EXT2: variants seen among roughly 807,000 people sequenced by gnomAD.
EXT2 encodes exostosin glycosyltransferase 2, also known as exostosin-2.
EXT2 carries 53 observed loss-of-function variants against 81.6 expected under a neutral mutation model. The ratio of observed to expected loss-of-function variants is 0.65; its 90% CI spans 0.52 to 0.82. The LOEUF is 0.82. Ranked by LOEUF, EXT2 falls within the 40% of genes least tolerant of loss-of-function variation. EXT2 has a pLI of 0.00. For synonymous variants in EXT2, 320 were observed against 340.0 expected, an observed-to-expected ratio of 0.94 and a Z score of 0.65; for missense variants, 774 against 910.2, an observed-to-expected ratio of 0.85 and a Z score of 1.93.
chr11:44,105,314 A>T (rs1954038850), intron 1 of EXT2, among the ~76,000 whole-genome samples: 1 of 152,144 alleles, frequency 6.6e-6, no homozygotes, highest in South Asian at 2.1e-4. Context: ...ATTTTTTGAG[A>T]AAGAGTCGTG....
chr11:44,152,282 G>T (rs868302240), intron 7 of EXT2, among the ~76,000 whole-genome samples: 18 of 152,264 alleles, frequency 1.2e-4, no homozygotes, highest in African/African-American at 4.3e-4. Context: ...TACCTAAAAA[G>T]TCATTGCCAT....
rs1303517001 is a variant in EXT2 at position 44,236,391 on chromosome 11, A to G, written c.2018+16A>G. 5 of 1,612,566 alleles carry G rather than the reference A, an allele frequency of 3.1e-6. No individual in the cohort carries two copies. The highest frequency in any genetic ancestry group is 3.3e-5 in the Admixed American group (2 of 60,020). On this transcript the variant is annotated intron_variant, in intron 13 of 13. Coordinates refer to ENST00000533608, the MANE Select transcript of EXT2 (RefSeq NM_207122.2). ...TGGTGGAGAGGTAAGTGAGCCTCCA[A>G]CCAAAAGTGCGCCTTAGCCTCTGAT...
In EXT2 at chr11:44,249,190, G is replaced by T. The variant is rs150513630; in HGVS notation, c.*4903G>T. Among the ~76,000 whole-genome samples, 34 of 152,156 alleles carry T rather than the reference G, an allele frequency of 2.2e-4. No individual in the cohort carries two copies. Among genetic ancestry groups the T allele is most frequent in the Non-Finnish European group, 2.1e-4 (14 of 68,002 alleles). On this transcript the variant is annotated 3_prime_UTR_variant, in exon 14 of 14. Transcript: ENST00000533608. ...CTTTTAATTTTTTTGGAGAGACAGG[G>T]CCTCACTATGTTGCCTAGGCTGGTC...
At chr11:44,178,933 C>T (rs79313886) in intron 8 of EXT2, among the ~76,000 whole-genome samples, 38 of 152,164 alleles carry the variant, frequency 2.5e-4, no homozygotes, top group African/African-American at 8.9e-4. Context: ...AGTATGCTAC[C>T]CTAAATTCCA....
chr11:44,212,298 TATAAATAA>T (rs55649714), intron 10 of EXT2, among the ~76,000 whole-genome samples: 6,251 of 80,494 alleles, frequency 0.078, 241 homozygotes, highest in Middle Eastern at 0.13. Flanking sequence ...AAAATAAAAA[TATAAATAA>T]ATAAATAAAT....
chr11:44,240,170 C>T (rs1215957917), intron 13 of EXT2, among the ~76,000 whole-genome samples: 1 of 152,124 alleles, frequency 6.6e-6, no homozygotes, highest in African/African-American at 2.4e-5. Context: ...GGATGGCTAA[C>T]TGTATTTGGC....
At chr11:44,153,175 A>C (rs186389492) in intron 7 of EXT2, among the ~76,000 whole-genome samples, 3 of 152,330 alleles carry the variant, frequency 2.0e-5, no homozygotes, top group Non-Finnish European at 4.4e-5. Flanking sequence ...CCATTTATTT[A>C]AGTTATTTGA....
rs527964101 is a variant in EXT2, at chr11:44,233,748, C to A, written c.1807-367C>A. ...ATGGGTTTTTTTATTTTGTAATAAG[C>A]AAACAAAAAAACCCAAAAACTAAGG... On this transcript the variant is annotated intron_variant, in intron 11 of 13. Transcript: ENST00000533608. Among the ~76,000 whole-genome samples, 5 of 152,090 alleles carry A rather than the reference C, an allele frequency of 3.3e-5. No individual in the cohort carries two copies. The East Asian group carries it at 9.7e-4, about 29-fold the overall frequency.
intron 11 of EXT2, 55 bp from the exon 12 acceptor site, chr11:44,234,060 C>G (rs1955929426): frequency 6.2e-7 from 1 of 1,612,182 alleles, no homozygotes; most frequent in African/African-American, 1.3e-5. Context: ...CCTTATTTAT[C>G]AGCTAAAGGG....
intron 7 of EXT2, among the ~76,000 whole-genome samples, chr11:44,136,442 C>T (rs1954568580): frequency 6.6e-6 from 1 of 152,218 alleles, no homozygotes; most frequent in South Asian, 2.1e-4. Context: ...AACCACAGAG[C>T]TGTGTGGCCT....
chr11:44,135,208 C>T (rs1355551327), intron 7 of EXT2, among the ~76,000 whole-genome samples: 1 of 152,092 alleles, frequency 6.6e-6, no homozygotes, highest in Non-Finnish European at 1.5e-5. Flanking sequence ...ATAGGAGAGC[C>T]CCTATCAGGG....
chr11:44,216,818 TA>T, intron 10 of EXT2, among the ~76,000 whole-genome samples: 1 of 151,536 alleles, frequency 6.6e-6, no homozygotes, highest in South Asian at 2.1e-4. Flanking sequence ...AGATGTAAGA[TA>T]AATGATGAGG....
At chr11:44,190,160 A>T (rs1406877772) in intron 8 of EXT2, among the ~76,000 whole-genome samples, 1 of 152,234 alleles carries the variant, frequency 6.6e-6, no homozygotes, top group Non-Finnish European at 1.5e-5. Context: ...AACCTAAAGG[A>T]GAAATGAAAG....
chr11:44,142,807 C>T (rs1196716716), intron 7 of EXT2, among the ~76,000 whole-genome samples: 1 of 152,104 alleles, frequency 6.6e-6, no homozygotes, highest in Non-Finnish European at 1.5e-5. Context: ...TGAAGCAGTG[C>T]ATAGGGAATA....
chr11:44,173,484 A>G (rs1245433258), intron 8 of EXT2, among the ~76,000 whole-genome samples: 5 of 149,654 alleles, frequency 3.3e-5, no homozygotes, highest in Admixed American at 3.3e-4. Flanking sequence ...TTAGTATTCA[A>G]TTGTTTGGGT....
chr11:44,136,348 C>T (rs372709372), intron 7 of EXT2, among the ~76,000 whole-genome samples: 1 of 152,102 alleles, frequency 6.6e-6, no homozygotes, highest in Non-Finnish European at 1.5e-5. Flanking sequence ...GATAAAGAGA[C>T]GTAAAGTAAT....
At chr11:44,140,393 T>C (rs1407620304) in intron 7 of EXT2, among the ~76,000 whole-genome samples, 1 of 152,198 alleles carries the variant, frequency 6.6e-6, no homozygotes, top group Non-Finnish European at 1.5e-5. Context: ...CACCAGGCCC[T>C]CCATAAATGT....
At chr11:44,211,832 A>G (rs1282127483) in intron 10 of EXT2, among the ~76,000 whole-genome samples, 1 of 152,218 alleles carries the variant, frequency 6.6e-6, no homozygotes, top group Non-Finnish European at 1.5e-5. Context: ...TTGCTCTTCT[A>G]CAATGTAAAT....
intron 8 of EXT2, 130 bp from the exon 9 acceptor site, chr11:44,197,699 A>C: frequency 1.1e-6 from 1 of 869,766 alleles, no homozygotes; most frequent in South Asian, 1.4e-5. Context: ...GACTTTGAGC[A>C]GTTGCTTAGC....
Sources: allele counts gnomAD v4.1 joint callset (sites outside exome capture counted in the v4.1 genomes callset), GRCh38; gene constraint gnomAD v4.1.1; transcripts MANE v1.5; gene names NCBI Gene and HGNC (gene_info 2026-07-23, HGNC 2026-07-21).